PCDHGA5: variants seen among roughly 807,000 people sequenced by gnomAD.
PCDHGA5 encodes protocadherin gamma-A5.
PCDHGA5 carries 36 observed loss-of-function variants against 56.7 expected under a neutral mutation model. The ratio of observed to expected loss-of-function variants is 0.64; its 90% CI spans 0.49 to 0.84. The LOEUF (loss-of-function observed/expected upper bound fraction) is 0.84, where lower values mean the gene tolerates loss of function less well. Among genes scored for constraint, PCDHGA5 ranks in the 40% least tolerant of loss-of-function variants. PCDHGA5 has a pLI of 0.00. For missense variants in PCDHGA5, 1,305 were observed against 1,201.5 expected (o/e 1.09, Z -1.27); for synonymous variants, 563 against 520.2 (o/e 1.08, Z -1.12).
At chr5:141,384,048 C>T in intron 1 of PCDHGA5, 2 of 1,611,890 alleles carry the variant, frequency 1.2e-6, no homozygotes, top group Non-Finnish European at 1.7e-6. Context: ...GTGAGGTGAC[C>T]TGCACCATTC....
At chr5:141,408,697 C>T (rs58047392) in intron 1 of PCDHGA5, 227,396 of 1,612,898 alleles carry the variant, frequency 0.14, 18,149 homozygotes, top group African/African-American at 0.31. Context: ...TAAACATAAA[C>T]TCAATTAAAG....
At position 141,390,017 on chromosome 5, in the gene PCDHGA5, G is replaced by C. The variant is rs2092015490; in HGVS notation, c.2421+23266G>C. Reference sequence around the variant, plus strand: ...TGGCCATGATTCTGGCCATTGCCTTGCGCCTGCGACGCTCCTCCAGCCCCG... The same window carrying C: ...TGGCCATGATTCTGGCCATTGCCTTCCGCCTGCGACGCTCCTCCAGCCCCG... On this transcript the variant is annotated intron_variant, in intron 1 of 3. Transcript: ENST00000518069. 1.9e-6 allele frequency: 3 copies of C among 1,613,898 alleles called. No homozygotes were observed. The South Asian group carries it at 3.3e-5, about 18-fold the overall frequency.
At chr5:141,413,075 A>G (rs1013709122) in intron 1 of PCDHGA5, 4 of 1,246,610 alleles carry the variant, frequency 3.2e-6, no homozygotes, top group South Asian at 3.1e-5. Context: ...TAAAGTGCCC[A>G]GGCTACAGAG....
Position 141,366,682 on chromosome 5 carries a change from C to A in PCDHGA5, c.2352C>A (p.Ser784Arg). The A allele has an allele frequency of 6.2e-7, 1 of 1,614,238 alleles. No homozygotes were observed. The highest frequency in any genetic ancestry group is 8.5e-7 in the Non-Finnish European group (1 of 1,180,044). Residue 784 changes from serine (S) to arginine (R), a missense_variant, in exon 1 of 4, where the codon AGC becomes AGA. By Grantham distance (110) the Ser-to-Arg change is moderately radical. Coordinates refer to ENST00000518069, the MANE Select transcript of PCDHGA5 (RefSeq NM_018918.3). The stretch of plus-strand genomic sequence containing the variant: ...CAGACACGCTCCTTAGTGAAGAGAG[C>A]TGTGAGAAAAGCGAGCCTCTTCTGA... ...NYADTLLSEE[S>R]CEKSEPLLMS... is the part of the protein sequence containing the mutation.
chr5:141,397,223 T>G (rs144227558), intron 1 of PCDHGA5, among the ~76,000 whole-genome samples: 2 of 152,186 alleles, frequency 1.3e-5, no homozygotes, highest in Admixed American at 6.5e-5. Context: ...TATTTTGAGA[T>G]ATGAAGAAGA....
intron 1 of PCDHGA5, among the ~76,000 whole-genome samples, chr5:141,447,275 G>A (rs2098532748): frequency 1.3e-5 from 2 of 152,154 alleles, no homozygotes; most frequent in South Asian, 2.1e-4. Context: ...AAGTAGCTGG[G>A]ACTACAGGCA....
intron 1 of PCDHGA5, chr5:141,441,665 A>ACAGTG (rs936537442): frequency 7.5e-6 from 2 of 265,720 alleles, no homozygotes; most frequent in African/African-American, 4.7e-5. Flanking sequence ...CCTTGAGCGC[A>ACAGTG]CAGTGCGCCT....
intron 1 of PCDHGA5, chr5:141,395,544 G>A (rs1352260391): frequency 8.7e-5 from 1 of 11,524 alleles, no homozygotes. Flanking sequence ...GCTATTGTTT[G>A]TGTGTGTGTG....
intron 1 of PCDHGA5, among the ~76,000 whole-genome samples, chr5:141,430,388 A>G (rs2097280501): frequency 6.6e-6 from 1 of 152,106 alleles, no homozygotes; most frequent in Non-Finnish European, 1.5e-5. Flanking sequence ...ATTGGGAAAA[A>G]AAAAAAAAGC....
At chr5:141,498,321 G>A (rs1477684617) in intron 2 of PCDHGA5, among the ~76,000 whole-genome samples, 2 of 151,722 alleles carry the variant, frequency 1.3e-5, no homozygotes, top group Non-Finnish European at 2.9e-5. Flanking sequence ...CTACACAGAA[G>A]GAAGAGCATT....
At chr5:141,385,375 T>C (rs1781162127) in intron 1 of PCDHGA5, 2 of 1,523,626 alleles carry the variant, frequency 1.3e-6, no homozygotes, top group South Asian at 1.3e-5. Context: ...GCATGATATT[T>C]CTCTATTATT....
At position 141,432,119 on chromosome 5, in the gene PCDHGA5, C is replaced by T. The variant is rs1273427353; in HGVS notation, c.2422-62688C>T. On this transcript the variant is annotated intron_variant, in intron 1 of 3. Transcript: ENST00000518069. The surrounding 1 kb of genome is among the most constrained non-coding windows in gnomAD (Gnocchi z 6.0). ...CAACGACAACCCGCCGGTCTTCCCT[C>T]AGGCCTCCTATTCCGCTTATATCCC... is the stretch of plus-strand genomic sequence containing the variant. 7 of 1,614,184 alleles carry T rather than the reference C, an allele frequency of 4.3e-6. No homozygotes were observed. Among genetic ancestry groups the T allele is most frequent in the Non-Finnish European group, 5.9e-6 (7 of 1,180,032 alleles).
rs1373538409 is a variant in PCDHGA5, at chr5:141,364,706, A to G, written c.376A>G (p.Ile126Val). Residue 126 changes from isoleucine to valine, a missense_variant, in exon 1 of 4, where the codon ATT (isoleucine) becomes GTT (valine). Coordinates refer to ENST00000518069, the MANE Select transcript of PCDHGA5 (RefSeq NM_018918.3). ...IYGVEVEIIDINDNFPRFRDE... is the reference protein window; with the variant it reads ...IYGVEVEIIDVNDNFPRFRDE... ...TGGAGTAGAAGTAGAAATAATCGAT[A>G]TTAATGATAACTTCCCGCGTTTCCG... The G allele has an allele frequency of 1.9e-6, 3 of 1,613,862 alleles. No homozygotes were observed. The highest frequency in any genetic ancestry group is 2.5e-6 in the Non-Finnish European group (3 of 1,179,890).
chr5:141,367,752 C>G (rs1039897453), intron 1 of PCDHGA5: 1 of 152,068 alleles, frequency 6.6e-6, no homozygotes, highest in African/African-American at 2.4e-5. Context: ...GAGTTACATA[C>G]TGCTGCACTC....
At chr5:141,474,888 G>T (rs1349812637) in intron 1 of PCDHGA5, among the ~76,000 whole-genome samples, 1 of 152,176 alleles carries the variant, frequency 6.6e-6, no homozygotes, top group Non-Finnish European at 1.5e-5. Context: ...ACTCTTAGAG[G>T]TTCATTTCTT....
intron 1 of PCDHGA5, among the ~76,000 whole-genome samples, chr5:141,482,794 G>A (rs374042779): frequency 6.2e-5 from 8 of 129,246 alleles, no homozygotes; most frequent in Non-Finnish European, 8.1e-5. Flanking sequence ...GTGTGTGGCC[G>A]GGTACGGTGG....
At chr5:141,372,976 A>G (rs1223476542) in intron 1 of PCDHGA5, 1 of 663,898 alleles carries the variant, frequency 1.5e-6, no homozygotes, top group Non-Finnish European at 2.5e-6. Context: ...CCTGTAGAAT[A>G]TCTGTGTTGC....
intron 2 of PCDHGA5, among the ~76,000 whole-genome samples, chr5:141,497,621 C>T (rs769483223): frequency 7.3e-5 from 11 of 151,482 alleles, no homozygotes; most frequent in Non-Finnish European, 1.3e-4. Flanking sequence ...CTCACTGCAA[C>T]CTCTGCCTGC....
intron 1 of PCDHGA5, chr5:141,384,400 G>C: frequency 6.2e-7 from 1 of 1,613,936 alleles, no homozygotes; most frequent in South Asian, 1.1e-5. Flanking sequence ...GGGGGCTCCA[G>C]TGTCCTCCTA....
Sources: allele counts gnomAD v4.1 joint callset (sites outside exome capture counted in the v4.1 genomes callset), GRCh38; gene constraint gnomAD v4.1.1; non-coding constraint Gnocchi (gnomAD v3.1); transcripts MANE v1.5; gene names NCBI Gene and HGNC (gene_info 2026-07-23, HGNC 2026-07-21).